Variants in MBTPS2 observed in about 807,000 individuals in gnomAD.
MBTPS2 encodes the protein membrane-bound transcription factor site-2 protease.
Under a neutral mutation model 35.4 loss-of-function variants are expected in MBTPS2, and 2 were observed. The ratio of observed to expected loss-of-function variants is 0.06; its 90% CI spans 0.02 to 0.18. The LOEUF is 0.18. MBTPS2 is among the 10% of genes least tolerant of loss of function. The pLI is 1.00. For synonymous variants in MBTPS2, 125 were observed against 140.4 expected, an observed-to-expected ratio of 0.89 and a Z score of 0.77; for missense variants, 244 against 386.5, an observed-to-expected ratio of 0.63 and a Z score of 3.09.
At chrX:21,841,495 TTTG>T (rs1188126734) in intron 1 of MBTPS2, among the ~76,000 whole-genome samples, 1 of 110,436 alleles carries the variant, frequency 9.1e-6, no homozygotes, top group Non-Finnish European at 1.9e-5. Flanking sequence ...CCACAATGAT[TTTG>T]TTGTTTGAAA....
chrX:21,856,800 G>C (rs755435591), intron 5 of MBTPS2: 2 of 1,211,792 alleles, frequency 1.7e-6, no homozygotes, highest in Admixed American at 4.3e-5. Context: ...GGACCAGTTG[G>C]CCCTCCCGGA....
intron 5 of MBTPS2, among the ~76,000 whole-genome samples, chrX:21,865,644 G>T (rs1244383080): frequency 1.8e-5 from 2 of 112,738 alleles, no homozygotes; most frequent in Non-Finnish European, 3.7e-5. Context: ...TTAGAACACA[G>T]TGTAAGCCTT....
intron 5 of MBTPS2, among the ~76,000 whole-genome samples, chrX:21,854,881 G>C (rs1325511196): frequency 1.8e-5 from 2 of 111,844 alleles, no homozygotes; most frequent in African/African-American, 6.5e-5. Context: ...CTGAAATTTA[G>C]AAATTTATCT....
At chrX:21,872,344 A>T (rs183645560) in intron 7 of MBTPS2, 1 of 112,032 alleles carries the variant, frequency 8.9e-6, no homozygotes, top group Non-Finnish European at 1.9e-5. Context: ...CAGACTGTAA[A>T]TAAAAATTTT....
intron 7 of MBTPS2, among the ~76,000 whole-genome samples, chrX:21,875,905 A>G (rs1185880081): frequency 8.9e-6 from 1 of 112,205 alleles, no homozygotes. Context: ...CCTCAGCACC[A>G]TAGAATAGAA....
intron 9 of MBTPS2, 55 bp from the exon 10 acceptor site, chrX:21,880,842 G>T: frequency 2.4e-6 from 2 of 825,562 alleles, no homozygotes; most frequent in Non-Finnish European, 3.7e-6. Flanking sequence ...AATTCATAAT[G>T]CTGTTGATTC....
Position 21,839,999 on chromosome X carries a change from G to T in MBTPS2, c.75+190G>T, listed in dbSNP as rs371661371. Reference sequence around the variant, plus strand: ...CGGGAGGGTTGTGGCGGCCTGCGCGGCTGCCACTGTCGCAGTGCGGGGCAG... The same window carrying T: ...CGGGAGGGTTGTGGCGGCCTGCGCGTCTGCCACTGTCGCAGTGCGGGGCAG... On this transcript the variant is annotated intron_variant, in intron 1 of 10. Transcript: ENST00000379484. 7.1e-5 allele frequency among the ~76,000 whole-genome samples: 8 copies of T among 112,060 alleles called. No homozygotes were observed. The East Asian group carries it at 2.0e-3, about 28-fold the overall frequency.
rs2092962686 is a variant in MBTPS2, at chrX:21,884,605, G to A, written c.*1950G>A. On this transcript the variant is annotated 3_prime_UTR_variant, in exon 11 of 11. Coordinates refer to ENST00000379484, the MANE Select transcript of MBTPS2 (RefSeq NM_015884.4). ...CACTTTACTAGGAAAGAGCAGATCA[G>A]TACCATTTGTATAAAACCGGCCTCA... 1 of 754,166 alleles carries A rather than the reference G, an allele frequency of 1.3e-6. No individual in the cohort carries two copies. The allele number at this position is 754,166 out of a possible 1,213,427, so 62.2% of individuals were successfully genotyped here.
intron 1 of MBTPS2, 151 bp from the exon 2 acceptor site, chrX:21,843,019 A>G: frequency 1.9e-6 from 1 of 535,234 alleles, no homozygotes; most frequent in Non-Finnish European, 3.2e-6. Flanking sequence ...GACCTTTAAT[A>G]TTCTGAAGAA....
chrX:21,884,630 AT>A lies in MBTPS2; in HGVS notation c.*1977del. 1 of 753,642 alleles carries A rather than the reference AT, an allele frequency of 1.3e-6. No homozygotes were observed. The highest frequency in any genetic ancestry group is 1.6e-6 in the Non-Finnish European group (1 of 638,777). 62.1% of individuals were successfully genotyped at this position (753,642 alleles called of 1,213,427 possible). A position where few individuals can be genotyped will look rare whatever the true frequency, so the allele number is the denominator to read the frequency against. On this transcript the variant is annotated 3_prime_UTR_variant, in exon 11 of 11. Transcript: ENST00000379484. Reference sequence around the variant, plus strand: ...GTACCATTTGTATAAAACCGGCCTCATTATGTAAGAAAGAAAATGTTACGTG... The same window carrying A: ...GTACCATTTGTATAAAACCGGCCTCATATGTAAGAAAGAAAATGTTACGTG...
intron 5 of MBTPS2, 132 bp downstream of exon 5, chrX:21,853,635 C>T: frequency 1.6e-6 from 1 of 619,382 alleles, no homozygotes; most frequent in South Asian, 2.7e-5. Flanking sequence ...GTTTATAAGA[C>T]CCCTTCAAAA....
At chrX:21,851,348 A>T (rs1410506185) in intron 3 of MBTPS2, among the ~76,000 whole-genome samples, 161 bp from the exon 4 acceptor site, 1 of 112,273 alleles carries the variant, frequency 8.9e-6, no homozygotes, top group African/African-American at 3.2e-5. Flanking sequence ...GCTTTTTATT[A>T]TGATAGAAAT....
intron 5 of MBTPS2, chrX:21,856,396 C>T (rs2092922382): frequency 1.9e-6 from 2 of 1,050,306 alleles, no homozygotes; most frequent in Admixed American, 5.4e-5. Context: ...CTGCAGCTCG[C>T]CCCTTCCTCT....
chrX:21,878,992 T>G (rs1428349152), intron 9 of MBTPS2, among the ~76,000 whole-genome samples: 2 of 111,227 alleles, frequency 1.8e-5, no homozygotes, highest in Non-Finnish European at 3.8e-5. Flanking sequence ...TGAGAGTTTA[T>G]TAAATTTATA....
At chrX:21,866,564 A>G (rs1456413435) in intron 5 of MBTPS2, among the ~76,000 whole-genome samples, 1 of 112,110 alleles carries the variant, frequency 8.9e-6, no homozygotes, top group African/African-American at 3.2e-5. Context: ...ACATATAAAA[A>G]ATAAAAAACT....
intron 5 of MBTPS2, among the ~76,000 whole-genome samples, chrX:21,862,982 G>A (rs1286644513): frequency 2.0e-4 from 9 of 44,966 alleles, no homozygotes; most frequent in African/African-American, 5.0e-4. Context: ...CCGACTGGGC[G>A]CGGTGGCTCA....
chrX:21,872,158 C>G (rs1043431707), intron 7 of MBTPS2: 3 of 111,879 alleles, frequency 2.7e-5, no homozygotes, highest in African/African-American at 9.7e-5. Context: ...CCATTATTTT[C>G]CACTTCTTAA....
At position 21,853,973 on chromosome X, in the gene MBTPS2, GAAACTGACATACGAC is replaced by G. The variant is rs1230103132; in HGVS notation, c.670+474_670+488del. ...GATGGAACCACAGTTCCAGCTGAGT[GAAACTGACATACGAC>G]AAATCCATCACAACCCTGCATCACT... On this transcript the variant is annotated intron_variant, in intron 5 of 10. Transcript: ENST00000379484. Among the ~76,000 whole-genome samples the G allele has an allele frequency of 3.6e-5, 4 of 111,245 alleles. No homozygotes were observed. In the Admixed American group the frequency reaches 3.8e-4, roughly 11 times the overall value.
Position 21,856,552 on chromosome X carries a change from A to G in MBTPS2, c.670+3049A>G, listed in dbSNP as rs371305501. 9.9e-6 allele frequency: 12 copies of G among 1,210,155 alleles called. No individual in the cohort carries two copies. In the East Asian group the frequency reaches 2.1e-4, roughly 21 times the overall value. On this transcript the variant is annotated intron_variant, in intron 5 of 10. Coordinates refer to ENST00000379484, the MANE Select transcript of MBTPS2 (RefSeq NM_015884.4). ...ATCCCGGCAGATATTGTGGAGCTCC[A>G]CGACATCAATGTGGAGCCCCTTCCT... is the stretch of plus-strand genomic sequence containing the variant.
Sources: allele counts gnomAD v4.1 joint callset (sites outside exome capture counted in the v4.1 genomes callset), GRCh38; gene constraint gnomAD v4.1.1; transcripts MANE v1.5; gene names NCBI Gene and HGNC (gene_info 2026-07-23, HGNC 2026-07-21).